TNFSF4: variants seen among roughly 807,000 people sequenced by gnomAD.
TNFSF4 encodes the protein TNF superfamily member 4.
In TNFSF4, 4 loss-of-function variants were observed where a neutral mutation model predicts 7.3. The observed-to-expected ratio is 0.55, with a 90% CI of 0.27 to 1.25. TNFSF4 has a LOEUF of 1.25. Among genes scored for constraint, TNFSF4 ranks in the 50% most tolerant of loss-of-function variants. The pLI is 0.12. For missense variants in TNFSF4, 181 were observed against 208.8 expected, an observed-to-expected ratio of 0.87 and a Z score of 0.82; for synonymous variants, 76 against 83.7, an observed-to-expected ratio of 0.91 and a Z score of 0.50.
the TNFSF4 span, among the ~76,000 whole-genome samples, chr1:173,273,154 T>C: frequency 6.6e-6 from 1 of 152,178 alleles, no homozygotes; most frequent in Non-Finnish European, 1.5e-5. Flanking sequence ...TATCATCTTG[T>C]CCTTTCTTAA....
At chr1:173,404,914 G>A in the TNFSF4 span, among the ~76,000 whole-genome samples, 1 of 151,982 alleles carries the variant, frequency 6.6e-6, no homozygotes. Context: ...TTACAAGTGT[G>A]AGCCACCCTG....
chr1:173,226,316 G>T, the TNFSF4 span, among the ~76,000 whole-genome samples: 2 of 152,172 alleles, frequency 1.3e-5, no homozygotes, highest in African/African-American at 2.4e-5. Flanking sequence ...AGTGGAATGT[G>T]GGGGGATGTG....
the TNFSF4 span, among the ~76,000 whole-genome samples, chr1:173,212,528 T>C: frequency 6.6e-6 from 1 of 150,766 alleles, no homozygotes; most frequent in African/African-American, 2.4e-5. Flanking sequence ...TGTAATTCTT[T>C]AAATCTATTT....
At chr1:173,418,722 G>T in the TNFSF4 span, 3 of 152,084 alleles carry the variant, frequency 2.0e-5, no homozygotes, top group East Asian at 5.8e-4. Flanking sequence ...ACATAATGGA[G>T]GGACTCCAAG....
At chr1:173,243,507 TTGGTCTGTTACTATGCAGTGGATACA>T in the TNFSF4 span, among the ~76,000 whole-genome samples, 1 of 152,150 alleles carries the variant, frequency 6.6e-6, no homozygotes, top group African/African-American at 2.4e-5. Context: ...CTCAGTGTAA[TTGGTCTGTTACTATGCAGTGGATACA>T]TGAACCTGTT....
At chr1:173,394,260 T>C in the TNFSF4 span, among the ~76,000 whole-genome samples, 1 of 148,298 alleles carries the variant, frequency 6.7e-6, no homozygotes, top group East Asian at 1.9e-4. Flanking sequence ...CCTAAAAATA[T>C]GTTCATGAGT....
chr1:173,300,388 T>A, the TNFSF4 span, among the ~76,000 whole-genome samples: 1 of 151,822 alleles, frequency 6.6e-6, no homozygotes, highest in African/African-American at 2.4e-5. Flanking sequence ...AAAGATAGTA[T>A]CTGCCACTTG....
chr1:173,279,848 A>G, the TNFSF4 span, among the ~76,000 whole-genome samples: 1 of 152,254 alleles, frequency 6.6e-6, no homozygotes, highest in Non-Finnish European at 1.5e-5. Flanking sequence ...AATACCAATA[A>G]TGTGTAAAAA....
At chr1:173,300,141 A>AG in the TNFSF4 span, among the ~76,000 whole-genome samples, 1 of 144,830 alleles carries the variant, frequency 6.9e-6, no homozygotes, top group African/African-American at 2.6e-5. Context: ...ATAGATAGAT[A>AG]ATAAATAGAT....
the TNFSF4 span, among the ~76,000 whole-genome samples, chr1:173,420,674 G>A: frequency 6.6e-6 from 1 of 152,088 alleles, no homozygotes; most frequent in Non-Finnish European, 1.5e-5. Context: ...CCACAAACTG[G>A]TCAACTTAGC....
chr1:173,436,742 A>AT, the TNFSF4 span, among the ~76,000 whole-genome samples: 38 of 151,446 alleles, frequency 2.5e-4, no homozygotes, highest in Non-Finnish European at 4.6e-4. Context: ...GGCCTTCAGC[A>AT]TTTTTTTTTA....
At chr1:173,374,388 C>T in the TNFSF4 span, among the ~76,000 whole-genome samples, 1 of 152,084 alleles carries the variant, frequency 6.6e-6, no homozygotes, top group African/African-American at 2.4e-5. Context: ...CTCGGTAATC[C>T]TCTCTACCCC....
At chr1:173,200,927 C>T (rs1649917403) in intron 1 of TNFSF4, among the ~76,000 whole-genome samples, 1 of 152,208 alleles carries the variant, frequency 6.6e-6, no homozygotes, top group Non-Finnish European at 1.5e-5. Flanking sequence ...ATAGCATTTG[C>T]ATGTTATCAA....
At chr1:173,207,770 A>C (rs1380390559), upstream of TNFSF4, among the ~76,000 whole-genome samples, 1 of 152,156 alleles carries the variant, frequency 6.6e-6, no homozygotes, top group Non-Finnish European at 1.5e-5. Flanking sequence ...AAAAGACAAA[A>C]CAAGAAAATA....
the TNFSF4 span, among the ~76,000 whole-genome samples, chr1:173,324,798 C>T: frequency 6.6e-6 from 1 of 152,162 alleles, no homozygotes; most frequent in Non-Finnish European, 1.5e-5. Context: ...GGGATCAATT[C>T]AACAAGAAGA....
chr1:173,420,201 A>AAAAC, the TNFSF4 span, among the ~76,000 whole-genome samples: 2 of 152,106 alleles, frequency 1.3e-5, no homozygotes, highest in Non-Finnish European at 2.9e-5. Flanking sequence ...GAGGCTCTTT[A>AAAAC]AAACAAACAA....
At chr1:173,248,668 G>T in the TNFSF4 span, among the ~76,000 whole-genome samples, 6 of 152,308 alleles carry the variant, frequency 3.9e-5, no homozygotes, top group South Asian at 1.2e-3. Flanking sequence ...GTAGAGAAAA[G>T]ACAAGAGAGG....
the TNFSF4 span, among the ~76,000 whole-genome samples, chr1:173,215,997 T>C: frequency 6.6e-6 from 1 of 152,108 alleles, no homozygotes; most frequent in Non-Finnish European, 1.5e-5. Flanking sequence ...ACCTATCAAA[T>C]CAAAATCCAG....
At chr1:173,269,749 T>C in the TNFSF4 span, among the ~76,000 whole-genome samples, 1 of 152,170 alleles carries the variant, frequency 6.6e-6, no homozygotes, top group African/African-American at 2.4e-5. Context: ...CAATTTTTCA[T>C]TTAATATTTT....
Sources: allele counts gnomAD v4.1 joint callset (sites outside exome capture counted in the v4.1 genomes callset), GRCh38; gene constraint gnomAD v4.1.1; transcripts MANE v1.5; gene names NCBI Gene and HGNC (gene_info 2026-07-23, HGNC 2026-07-21).